ASAH1: variants seen among roughly 807,000 people sequenced by gnomAD.
ASAH1 encodes the protein N-acylsphingosine amidohydrolase 1, also known as acid ceramidase.
ASAH1 carries 70 observed loss-of-function variants against 59.5 expected under a neutral mutation model. The ratio of observed to expected loss-of-function variants is 1.18; its 90% CI spans 0.97 to 1.43. The LOEUF (loss-of-function observed/expected upper bound fraction) is 1.43, where lower values mean the gene tolerates loss of function less well. Ranked by LOEUF, ASAH1 falls within the 40% of genes most tolerant of loss-of-function variation. The pLI is 0.00. For missense variants in ASAH1, 660 were observed against 482.5 expected, an observed-to-expected ratio of 1.37 and a Z score of -3.45; for synonymous variants, 213 against 166.5, an observed-to-expected ratio of 1.28 and a Z score of -2.15.
At position 18,068,812 on chromosome 8, in the gene ASAH1, G is replaced by T. The variant is rs567679883; in HGVS notation, c.303+980C>A. On this transcript the variant is annotated intron_variant, in intron 4 of 13. Coordinates refer to ENST00000637790, the MANE Select transcript of ASAH1 (RefSeq NM_177924.5). The stretch of plus-strand genomic sequence containing the variant: ...CCCAGGCCGGGCATCCTGGAATGTA[G>T]ACAAGCCCACGACAAAGAAATATCC... 2.6e-5 allele frequency: 4 copies of T among 152,814 alleles called. No individual in the cohort carries two copies. The East Asian group carries it at 7.7e-4, about 29-fold the overall frequency. The allele number at this position is 152,814 out of a possible 1,614,324, so 9.5% of individuals were successfully genotyped here. A position where few individuals can be genotyped will look rare whatever the true frequency, so the allele number is the denominator to read the frequency against.
At chr8:18,067,125 ATACAGCAC>A in intron 5 of ASAH1, 87 bp downstream of exon 5, 3 of 567,528 alleles carry the variant, frequency 5.3e-6, no homozygotes, top group Middle Eastern at 4.5e-4. Context: ...TATCTAAGAC[ATACAGCAC>A]CTGTGCTGTA....
intron 2 of ASAH1, among the ~76,000 whole-genome samples, chr8:18,073,094 T>C (rs556236044): frequency 5.9e-5 from 9 of 152,244 alleles, no homozygotes; most frequent in African/African-American, 2.2e-4. Context: ...CCTGCACTAA[T>C]TAGAATTTGA....
Position 18,061,669 on chromosome 8 carries a change from G to A in ASAH1, c.703+17C>T, listed in dbSNP as rs371089292. 1.3e-6 allele frequency: 2 copies of A among 1,582,406 alleles called. No homozygotes were observed. The highest frequency in any genetic ancestry group is 1.1e-5 in the South Asian group (1 of 87,326). On this transcript the variant is annotated intron_variant, in intron 9 of 13. Coordinates refer to ENST00000637790, the MANE Select transcript of ASAH1 (RefSeq NM_177924.5). ...AAGCTCTGAGATTCCCATTTCACTT[G>A]AGAATGCTCTACTTACCCAGATAAC...
In ASAH1 at chr8:18,066,910, A is replaced by G. The variant is rs1397405550; in HGVS notation, c.382+310T>C. 3 of 354,340 alleles carry G rather than the reference A, an allele frequency of 8.5e-6. No individual in the cohort carries two copies. The East Asian group carries it at 1.2e-4, about 15-fold the overall frequency. 21.9% of individuals were successfully genotyped at this position (354,340 alleles called of 1,614,324 possible). A position where few individuals can be genotyped will look rare whatever the true frequency, so the allele number is the denominator to read the frequency against. ...CATATTGTTCAGTTCTATTTATACA[A>G]AGTTCACGAAGAGGCAAAACTAATC... On this transcript the variant is annotated intron_variant, in intron 5 of 13. Coordinates refer to ENST00000637790, the MANE Select transcript of ASAH1 (RefSeq NM_177924.5).
chr8:18,074,075 T>G (rs899088546), intron 2 of ASAH1, among the ~76,000 whole-genome samples: 4 of 152,200 alleles, frequency 2.6e-5, no homozygotes, highest in African/African-American at 7.2e-5. Flanking sequence ...TTGCAGGGCA[T>G]TCAATTTATA....
chr8:18,084,190 G>T (rs566518979), upstream of ASAH1: 6 of 1,532,456 alleles, frequency 3.9e-6, no homozygotes, highest in African/African-American at 8.2e-5. Flanking sequence ...GCAGTAGGGG[G>T]AACGCTCGGA....
intron 3 of ASAH1, 65 bp from the exon 4 acceptor site, chr8:18,069,943 T>C (rs997132042): frequency 9.3e-6 from 11 of 1,188,142 alleles, no homozygotes; most frequent in African/African-American, 3.0e-5. Flanking sequence ...ACCTTTTGGC[T>C]TACCCATATG....
chr8:18,084,499 G>A (rs372954586), upstream of ASAH1: 1 of 1,332,514 alleles, frequency 7.5e-7, no homozygotes. Context: ...GATCCAAAGA[G>A]TCTCAACACT....
intron 1 of ASAH1, among the ~76,000 whole-genome samples, chr8:18,077,819 T>G (rs1292819450): frequency 6.6e-6 from 1 of 152,224 alleles, no homozygotes; most frequent in Non-Finnish European, 1.5e-5. Flanking sequence ...CTTTGTAAAA[T>G]TTGTAAATAA....
intron 10 of ASAH1, 97 bp downstream of exon 10, chr8:18,061,280 C>T (rs916038028): frequency 3.6e-5 from 39 of 1,088,330 alleles, no homozygotes; most frequent in Non-Finnish European, 5.2e-5. Context: ...TGCAATAGTT[C>T]CTCAAAGGAT....
chr8:18,073,834 A>C (rs1016417148), intron 2 of ASAH1, among the ~76,000 whole-genome samples: 1 of 152,236 alleles, frequency 6.6e-6, no homozygotes, highest in Admixed American at 6.5e-5. Flanking sequence ...GATAAGAGCA[A>C]AGCCGAGGCT....
At chr8:18,066,771 A>C in intron 5 of ASAH1, 1 of 171,158 alleles carries the variant, frequency 5.8e-6, no homozygotes, top group Non-Finnish European at 1.3e-5. Context: ...AATGTACTAC[A>C]ATATTTATAA....
chr8:18,075,925 G>C (rs1800385546), intron 1 of ASAH1: 1 of 371,610 alleles, frequency 2.7e-6, no homozygotes, highest in African/African-American at 2.1e-5. Context: ...TAAATGACCT[G>C]ATAGGATGTA....
intron 7 of ASAH1, 88 bp from the exon 8 acceptor site, chr8:18,062,511 GC>G: frequency 7.0e-7 from 1 of 1,429,828 alleles, no homozygotes; most frequent in Non-Finnish European, 9.8e-7. Flanking sequence ...TACACTAGGA[GC>G]TTTATTTACC....
intron 5 of ASAH1, chr8:18,066,889 T>G: frequency 3.1e-6 from 1 of 326,716 alleles, no homozygotes; most frequent in Non-Finnish European, 5.6e-6. Context: ...ACAGTTCATA[T>G]TGTTCAGTTC....
Position 18,057,614 on chromosome 8 carries a change from A to C in ASAH1, c.1108T>G (p.Tyr370Asp). ...TKPVLNKLTV[Y>D]TTLIDVTKGQ... ...TTGGTAACATCTATCAAGGTTGTGT[A>C]TACGGTCAGCTGAAAGAAAAGTTAT... Residue 370 changes from tyrosine to aspartate, a missense_variant, in exon 14 of 14, where the codon TAC becomes GAC. Tyr to Asp is a radical substitution (Grantham distance 160, BLOSUM62 -3). Coordinates refer to ENST00000637790, the MANE Select transcript of ASAH1 (RefSeq NM_177924.5). 1.9e-6 allele frequency: 3 copies of C among 1,601,572 alleles called. No homozygotes were observed. The highest frequency in any genetic ancestry group is 1.7e-6 in the Non-Finnish European group (2 of 1,171,818).
chr8:18,075,484 T>C (rs773585758), intron 2 of ASAH1, 57 bp downstream of exon 2: 1 of 1,545,582 alleles, frequency 6.5e-7, no homozygotes, highest in Admixed American at 1.7e-5. Flanking sequence ...AATTATTACA[T>C]ACAGAAAAAA....
intron 7 of ASAH1, 131 bp downstream of exon 7, chr8:18,063,054 G>C: frequency 2.5e-6 from 2 of 789,408 alleles, no homozygotes; most frequent in Non-Finnish European, 4.3e-6. Flanking sequence ...GTTTTTAGTA[G>C]AGACGGGGTT....
At chr8:18,066,284 T>C (rs939043167) in intron 5 of ASAH1, 11 of 151,910 alleles carry the variant, frequency 7.2e-5, no homozygotes, top group Admixed American at 1.3e-4. Flanking sequence ...ATGAAGGTCA[T>C]AGACTGGGAG....
Sources: allele counts gnomAD v4.1 joint callset (sites outside exome capture counted in the v4.1 genomes callset), GRCh38; gene constraint gnomAD v4.1.1; transcripts MANE v1.5; gene names NCBI Gene and HGNC (gene_info 2026-07-23, HGNC 2026-07-21).